The following ARPC3 variants were observed in gnomAD, a reference collection of about 807,000 sequenced individuals.
ARPC3 encodes the protein actin-related protein 2/3 complex subunit 3.
In ARPC3, 12 loss-of-function variants were observed where a neutral mutation model predicts 27.6. The ratio of observed to expected loss-of-function variants is 0.43; its 90% CI spans 0.28 to 0.70. The LOEUF (loss-of-function observed/expected upper bound fraction) is 0.70, where lower values mean the gene tolerates loss of function less well. Ranked by LOEUF, ARPC3 falls within the 30% of genes least tolerant of loss-of-function variation. The pLI, the probability that ARPC3 is intolerant of heterozygous loss-of-function variation, is 0.17. For synonymous variants in ARPC3, 53 were observed against 67.2 expected, an observed-to-expected ratio of 0.79 and a Z score of 1.03; for missense variants, 153 against 207.7, an observed-to-expected ratio of 0.74 and a Z score of 1.62.
Position 110,441,345 on chromosome 12 carries a change from C to G in ARPC3, c.107-957G>C, listed in dbSNP as rs2062436572. ...ATGGGGTTTCACCTTGTTGGTCAGG[C>G]TGGTCTCGAACTCCTGACCTCGTGA... On this transcript the variant is annotated intron_variant, in intron 2 of 6. Coordinates refer to ENST00000228825, the MANE Select transcript of ARPC3 (RefSeq NM_001278556.2). Among the ~76,000 whole-genome samples the G allele has an allele frequency of 2.0e-5, 3 of 148,846 alleles. No individual in the cohort carries two copies. In the South Asian group the frequency reaches 6.4e-4, roughly 32 times the overall value.
intron 2 of ARPC3, among the ~76,000 whole-genome samples, chr12:110,444,044 A>G (rs1348012087): frequency 2.0e-5 from 3 of 150,750 alleles, no homozygotes; most frequent in African/African-American, 7.3e-5. Context: ...ATCTCGGCAC[A>G]CTGCAACCTC....
At chr12:110,441,629 C>T (rs1448427451) in intron 2 of ARPC3, among the ~76,000 whole-genome samples, 1 of 151,960 alleles carries the variant, frequency 6.6e-6, no homozygotes, top group Non-Finnish European at 1.5e-5. Context: ...TTCCTGAGCG[C>T]AAGTGATCCT....
At chr12:110,436,388 A>T in intron 5 of ARPC3, 169 bp downstream of exon 5, 1 of 1,275,568 alleles carries the variant, frequency 7.8e-7, no homozygotes, top group Non-Finnish European at 1.1e-6. Flanking sequence ...TCTGCATGTC[A>T]TCCTTGTTGC....
At chr12:110,445,814 A>G (rs942025186) in intron 1 of ARPC3, among the ~76,000 whole-genome samples, 1 of 152,204 alleles carries the variant, frequency 6.6e-6, no homozygotes, top group Non-Finnish European at 1.5e-5. Flanking sequence ...AATTAAGTAA[A>G]TGATGTTGGC....
In ARPC3 at chr12:110,440,331, A is replaced by T. The variant is rs764281026; in HGVS notation, c.164T>A (p.Phe55Tyr). ...ATTTACCTTAATTTCATAGTTTTTG[A>T]AGAAGACATTGGCCTTGAAGTAATA... ...AIYYFKANVFFKNYEIKNEAD... is the reference protein window; with the variant it reads ...AIYYFKANVFYKNYEIKNEAD... The change falls in exon 3 of 7, where the codon TTC (phenylalanine) becomes TAC (tyrosine). Residue 55 changes from phenylalanine (F) to tyrosine (Y), a missense_variant. Coordinates refer to ENST00000228825, the MANE Select transcript of ARPC3 (RefSeq NM_001278556.2). The T allele has an allele frequency of 8.7e-6, 14 of 1,608,920 alleles. No individual in the cohort carries two copies. Among genetic ancestry groups the T allele is most frequent in the Non-Finnish European group, 1.1e-5 (13 of 1,175,432 alleles).
chr12:110,448,645 C>G (rs1056014050), intron 1 of ARPC3, among the ~76,000 whole-genome samples: 3 of 145,856 alleles, frequency 2.1e-5, no homozygotes, highest in Non-Finnish European at 4.5e-5. Context: ...AGGGTCACAC[C>G]CTGTCTCAAA....
intron 5 of ARPC3, 88 bp from the exon 6 acceptor site, chr12:110,436,292 C>T (rs1279523841): frequency 1.1e-5 from 13 of 1,135,160 alleles, no homozygotes; most frequent in African/African-American, 1.5e-5. Context: ...TGTGGTAATA[C>T]ATTTTTATAC....
intron 2 of ARPC3, 182 bp downstream of exon 2, chr12:110,445,270 A>G: frequency 1.7e-6 from 1 of 591,098 alleles, no homozygotes; most frequent in Non-Finnish European, 3.0e-6. Context: ...AAATAATACA[A>G]TTTCCTATTA....
Position 110,435,149 on chromosome 12 carries a change from C to T in ARPC3, c.*6G>A. 6.2e-7 allele frequency: 1 copy of T among 1,613,048 alleles called. No homozygotes were observed. The highest frequency in any genetic ancestry group is 8.5e-7 in the Non-Finnish European group (1 of 1,179,230). On this transcript the variant is annotated 3_prime_UTR_variant, in exon 7 of 7. Transcript: ENST00000228825. ...GCTCTGGAGACGGTGGCTGCCCGGG[C>T]TCCCTTCACTGTCCAGGTCCTGAAA... is the stretch of plus-strand genomic sequence containing the variant.
rs1592957565 is a variant in ARPC3, at chr12:110,450,208, TCTTCGCAATCCCCGCTGTCTCCCCAC to T, written c.6+21_6+46del. 6 of 1,613,032 alleles carry T rather than the reference TCTTCGCAATCCCCGCTGTCTCCCCAC, an allele frequency of 3.7e-6. No individual in the cohort carries two copies. The East Asian group carries it at 1.3e-4, about 36-fold the overall frequency. On this transcript the variant is annotated intron_variant, in intron 1 of 6. Coordinates refer to ENST00000228825, the MANE Select transcript of ARPC3 (RefSeq NM_001278556.2). ...CGGCACACACACGGTTTCTCTCTGC[TCTTCGCAATCCCCGCTGTCTCCCCAC>T]ACCGTGGATCGAACCCTCACCGGCA...
Position 110,440,319 on chromosome 12 carries a change from T to C in ARPC3, c.176A>G (p.Glu59Gly). The C allele has an allele frequency of 6.2e-7, 1 of 1,600,104 alleles. No homozygotes were observed. ...FKANVFFKNY[E>G]IKNEADRTLI... ...AAAAGCTCCGTAATTTACCTTAATT[T>C]CATAGTTTTTGAAGAAGACATTGGC... is the stretch of plus-strand genomic sequence containing the variant. Residue 59 changes from glutamate to glycine, a missense_variant, in exon 3 of 7, where the codon GAA (glutamate) becomes GGA (glycine). By Grantham distance (98) the Glu-to-Gly change is moderately conservative (BLOSUM62 -2). Transcript: ENST00000228825.
chr12:110,436,251 A>G, intron 5 of ARPC3, 47 bp from the exon 6 acceptor site: 1 of 1,441,342 alleles, frequency 6.9e-7, no homozygotes, highest in Non-Finnish European at 9.8e-7. Flanking sequence ...AATACATCCC[A>G]AATGTACTGG....
intron 6 of ARPC3, 90 bp from the exon 7 acceptor site, chr12:110,435,307 G>A: frequency 2.0e-6 from 2 of 1,014,470 alleles, no homozygotes; most frequent in Non-Finnish European, 3.0e-6. Flanking sequence ...ACATTAGTCT[G>A]GAATCTCTTA....
chr12:110,442,307 CTAAAAA>C (rs1284896033), intron 2 of ARPC3, among the ~76,000 whole-genome samples: 1 of 152,008 alleles, frequency 6.6e-6, no homozygotes, highest in Non-Finnish European at 1.5e-5. Context: ...TAACTGCTTC[CTAAAAA>C]TAAAAAGTAT....
In ARPC3 at chr12:110,435,917, C is replaced by T. The variant is rs537605151; in HGVS notation, c.474+193G>A. Among the ~76,000 whole-genome samples the T allele has an allele frequency of 5.3e-5, 8 of 152,326 alleles. No homozygotes were observed. The East Asian group carries it at 1.2e-3, about 22-fold the overall frequency. The stretch of plus-strand genomic sequence containing the variant: ...GTGGGATTACAGGCGTGAGCCACTG[C>T]GCCCGGCCTGCAATTCATTATTTAG... On this transcript the variant is annotated intron_variant, in intron 6 of 6. Coordinates refer to ENST00000228825, the MANE Select transcript of ARPC3 (RefSeq NM_001278556.2).
At chr12:110,448,668 G>GT (rs1331390565) in intron 1 of ARPC3, among the ~76,000 whole-genome samples, 1 of 146,044 alleles carries the variant, frequency 6.8e-6, no homozygotes, top group African/African-American at 2.6e-5. Context: ...AAAAAAAAAT[G>GT]TATTTGCAAC....
intron 6 of ARPC3, among the ~76,000 whole-genome samples, chr12:110,435,897 A>G (rs1355058138): frequency 2.6e-5 from 4 of 152,202 alleles, no homozygotes; most frequent in Non-Finnish European, 5.9e-5. Context: ...AAGTGGTGGG[A>G]TTACAGGCGT....
chr12:110,445,407 T>C (rs763395795), intron 2 of ARPC3, 45 bp downstream of exon 2: 1 of 1,366,128 alleles, frequency 7.3e-7, no homozygotes, highest in Non-Finnish European at 1.0e-6. Flanking sequence ...AGAAGATTGT[T>C]AGGCATTTCG....
chr12:110,437,383 T>C, intron 3 of ARPC3: 1 of 468,942 alleles, frequency 2.1e-6, no homozygotes, highest in Non-Finnish European at 3.9e-6. Context: ...GCTTTTTTTT[T>C]TTGAGACGGA....
Sources: gnomAD v4.1 joint callset for allele counts (sites outside exome capture counted in the v4.1 genomes callset) on GRCh38, gnomAD v4.1.1 for gene constraint, MANE v1.5 for transcripts, NCBI Gene and HGNC (gene_info 2026-07-23, HGNC 2026-07-21) for gene names.